Variants in FOXJ2 observed in about 807,000 individuals in gnomAD.
FOXJ2 encodes forkhead box J2.
FOXJ2 carries 18 observed loss-of-function variants against 68.4 expected under a neutral mutation model. The ratio of observed to expected loss-of-function variants is 0.26; its 90% CI spans 0.18 to 0.39. The LOEUF (loss-of-function observed/expected upper bound fraction) is 0.39, where lower values mean the gene tolerates loss of function less well. Among genes scored for constraint, FOXJ2 ranks in the 10% least tolerant of loss-of-function variants. The pLI is 1.00. For missense variants in FOXJ2, 670 were observed against 726.5 expected, an observed-to-expected ratio of 0.92 and a Z score of 0.89; for synonymous variants, 274 against 263.2, an observed-to-expected ratio of 1.04 and a Z score of -0.40.
chr12:8,047,852 G>C, intron 6 of FOXJ2, 30 bp from the exon 7 acceptor site: 2 of 1,548,028 alleles, frequency 1.3e-6, no homozygotes, highest in Non-Finnish European at 1.7e-6. Context: ...CATTGCTTAA[G>C]TCACTTGCCT....
chr12:8,050,848 TTCCCCTTCCC>T (rs1428844935), intron 10 of FOXJ2, among the ~76,000 whole-genome samples: 3 of 48,442 alleles, frequency 6.2e-5, no homozygotes, highest in Non-Finnish European at 1.1e-4. Context: ...TTCCTTTCCC[TTCCCCTTCCC>T]TTCCCTTCCC....
chr12:8,049,788 T>C (rs1191646018), intron 9 of FOXJ2: 1 of 463,254 alleles, frequency 2.2e-6, no homozygotes, highest in East Asian at 3.3e-5. Context: ...TTTTTAGACC[T>C]CAGTTTGGGA....
At position 8,048,829 on chromosome 12, in the gene FOXJ2, G is replaced by A. The variant is rs763642525; in HGVS notation, c.1327+31G>A. Reference sequence around the variant, plus strand: ...TGATCAAAGGACGAAGGAAGAGAGGGATACACTGTAAGGGAAAACCCAGTA... The same window carrying A: ...TGATCAAAGGACGAAGGAAGAGAGGAATACACTGTAAGGGAAAACCCAGTA... On this transcript the variant is annotated intron_variant, in intron 8 of 10. Transcript: ENST00000162391. The A allele has an allele frequency of 2.5e-6, 4 of 1,586,358 alleles. No individual in the cohort carries two copies. The Admixed American group carries it at 6.7e-5, about 26-fold the overall frequency.
In FOXJ2 at chr12:8,040,233, G is replaced by A; in HGVS notation, c.333+68G>A. 6.8e-7 allele frequency: 1 copy of A among 1,479,110 alleles called. No individual in the cohort carries two copies. The allele number at this position is 1,479,110 out of a possible 1,614,324, so 91.6% of individuals were successfully genotyped here. On this transcript the variant is annotated intron_variant, in intron 2 of 10. Transcript: ENST00000162391. The surrounding 1 kb of genome is among the most constrained non-coding windows in gnomAD (Gnocchi z 4.0). ...CAGCCTTTTTAGAGAAAAAGGTTTT[G>A]TTTCTTCTTGTAACCTGTTCAGTTT...
At chr12:8,046,962 A>G (rs1947045633) in intron 6 of FOXJ2, among the ~76,000 whole-genome samples, 1 of 152,198 alleles carries the variant, frequency 6.6e-6, no homozygotes. Context: ...ACTGTCAGAA[A>G]TAAAGTAAAA....
intron 5 of FOXJ2, 103 bp from the exon 6 acceptor site, chr12:8,044,657 G>A: frequency 8.5e-7 from 1 of 1,173,520 alleles, no homozygotes; most frequent in African/African-American, 1.5e-5. Flanking sequence ...GAAGAGCTAG[G>A]CGAGGATGAA....
At chr12:8,034,393 A>G (rs1232651574) in intron 1 of FOXJ2, among the ~76,000 whole-genome samples, 1 of 152,208 alleles carries the variant, frequency 6.6e-6, no homozygotes, top group Admixed American at 6.5e-5. Context: ...AGATACCAAG[A>G]GGCCTCCTCT....
rs2121310697 is a variant in FOXJ2 at position 8,033,091 on chromosome 12, G to A, written c.-757G>A. On this transcript the variant is annotated 5_prime_UTR_variant, in exon 1 of 11. Coordinates refer to ENST00000162391, the MANE Select transcript of FOXJ2 (RefSeq NM_018416.3). ...GTGAGGGAAAGAAGAGACCCCTGGA[G>A]GGGACGCCTCTCTCCTGCCTAGAGG... 2.6e-6 allele frequency: 1 copy of A among 385,926 alleles called. No individual in the cohort carries two copies. Among genetic ancestry groups the A allele is most frequent in the East Asian group, 3.7e-5 (1 of 27,184 alleles). The allele number at this position is 385,926 out of a possible 1,614,324, so 23.9% of individuals were successfully genotyped here.
rs376535944 is a variant in FOXJ2 at position 8,040,003 on chromosome 12, C to T, written c.171C>T (p.Asp57=). Residue 57 remains aspartate (D), a synonymous_variant, in exon 2 of 11, where the codon GAC becomes GAT. Coordinates refer to ENST00000162391, the MANE Select transcript of FOXJ2 (RefSeq NM_018416.3). This position sits in a 1 kb window ranked among gnomAD's most constrained non-coding sequence, Gnocchi z 4.0. ...ATCCTAATGCCACCCTGAGCAAAGA[C>T]GAGGCAGCAGTGCACCAGGACGGCA... ...PTDPNATLSK[D]EAAVHQDGKP... 3.6e-5 allele frequency: 58 copies of T among 1,614,006 alleles called. No homozygotes were observed. Among genetic ancestry groups the T allele is most frequent in the Admixed American group, 8.3e-5 (5 of 59,990 alleles).
In FOXJ2 at chr12:8,032,739, A is replaced by AGCCCGC. The variant is rs1355224150; in HGVS notation, c.-1105_-1100dup. On this transcript the variant is annotated 5_prime_UTR_variant, in exon 1 of 11. Coordinates refer to ENST00000162391, the MANE Select transcript of FOXJ2 (RefSeq NM_018416.3). The surrounding 1 kb of genome is among the most constrained non-coding windows in gnomAD (Gnocchi z 4.8). ...CTGCAGCGGAGCCGAGCCGAGCCCGAGCCCGCGCCGAGCCCTGACACTGTC... is the reference window on the plus strand; with the variant it reads ...CTGCAGCGGAGCCGAGCCGAGCCCGAGCCCGCGCCCGCGCCGAGCCCTGACACTGTC... 1.3e-5 allele frequency: 5 copies of AGCCCGC among 395,652 alleles called. No individual in the cohort carries two copies. Among genetic ancestry groups the AGCCCGC allele is most frequent in the East Asian group, 7.2e-5 (2 of 27,900 alleles). 24.5% of individuals were successfully genotyped at this position (395,652 alleles called of 1,614,324 possible).
rs1370875218 is a variant in FOXJ2, at chr12:8,039,947, A to G, written c.115A>G (p.Ser39Gly). The change falls in exon 2 of 11, where the codon AGC becomes GGC. Residue 39 changes from serine to glycine, a missense_variant. By Grantham distance (56) the Ser-to-Gly change is moderately conservative. Transcript: ENST00000162391. ...SASQAGPPGS[S>G]RKCSPGSPTD... ...CTCCCAGGCTGGGCCTCCCGGGAGCAGCCGCAAGTGTTCACCAGGGTCACC... is the reference window on the plus strand; with the variant it reads ...CTCCCAGGCTGGGCCTCCCGGGAGCGGCCGCAAGTGTTCACCAGGGTCACC... 1.2e-6 allele frequency: 2 copies of G among 1,614,034 alleles called. No individual in the cohort carries two copies. Among genetic ancestry groups the G allele is most frequent in the Admixed American group, 1.7e-5 (1 of 60,004 alleles).
In FOXJ2 at chr12:8,044,939, C is replaced by G; in HGVS notation, c.798C>G (p.Ser266=). The G allele has an allele frequency of 6.2e-7, 1 of 1,614,232 alleles. No homozygotes were observed. Among genetic ancestry groups the G allele is most frequent in the South Asian group, 1.1e-5 (1 of 91,090 alleles). The part of the protein sequence containing the change: ...RNLYKSMLEK[S]SSSSQHGFSS... Reference sequence around the variant, plus strand: ...TCTATAAGTCCATGCTGGAGAAGTCCTCTTCCTCCTCTCAGCACGGTGAGT... The same window carrying G: ...TCTATAAGTCCATGCTGGAGAAGTCGTCTTCCTCCTCTCAGCACGGTGAGT... The change falls in exon 6 of 11, where the codon TCC becomes TCG. Residue 266 remains serine (S), a synonymous_variant. Coordinates refer to ENST00000162391, the MANE Select transcript of FOXJ2 (RefSeq NM_018416.3).
At chr12:8,045,129 C>T (rs747875251) in intron 6 of FOXJ2, among the ~76,000 whole-genome samples, 171 bp downstream of exon 6, 2 of 152,140 alleles carry the variant, frequency 1.3e-5, no homozygotes, top group African/African-American at 4.8e-5. Context: ...CTGCAACCTC[C>T]GCCTCACGGG....
At chr12:8,047,292 A>G (rs1947050226) in intron 6 of FOXJ2, among the ~76,000 whole-genome samples, 1 of 152,126 alleles carries the variant, frequency 6.6e-6, no homozygotes, top group African/African-American at 2.4e-5. Context: ...TCTACTAAAA[A>G]TACAAAATTA....
At position 8,033,015 on chromosome 12, in the gene FOXJ2, G is replaced by C. The variant is rs1946855494; in HGVS notation, c.-833G>C. The C allele has an allele frequency of 2.5e-6, 1 of 396,658 alleles. No individual in the cohort carries two copies. The highest frequency in any genetic ancestry group is 2.1e-5 in the African/African-American group (1 of 48,512). 24.6% of individuals were successfully genotyped at this position (396,658 alleles called of 1,614,324 possible). A position where few individuals can be genotyped will look rare whatever the true frequency, so the allele number is the denominator to read the frequency against. On this transcript the variant is annotated 5_prime_UTR_variant, in exon 1 of 11. Coordinates refer to ENST00000162391, the MANE Select transcript of FOXJ2 (RefSeq NM_018416.3). The stretch of plus-strand genomic sequence containing the variant: ...CCCCGGGAGCGGAGGCGGGAGCGGG[G>C]ACGCGAGCAACCTCTCCCCCTGTTG...
chr12:8,037,310 C>G (rs755880056), intron 1 of FOXJ2, among the ~76,000 whole-genome samples: 1 of 152,176 alleles, frequency 6.6e-6, no homozygotes, highest in African/African-American at 2.4e-5. Context: ...TCAGATGCTA[C>G]AAGCTGCTTG....
chr12:8,048,437 T>G, intron 7 of FOXJ2, 148 bp downstream of exon 7: 1 of 1,340,154 alleles, frequency 7.5e-7, no homozygotes, highest in Non-Finnish European at 9.9e-7. Context: ...ACAAAGTTAC[T>G]ACTTAGAGCT....
chr12:8,042,407 T>C (rs1465311828), intron 2 of FOXJ2, among the ~76,000 whole-genome samples: 2 of 152,226 alleles, frequency 1.3e-5, no homozygotes, highest in Non-Finnish European at 2.9e-5. Context: ...AATCAGTTTT[T>C]TCAGAAGCAT....
rs1947168679 is a variant in FOXJ2 at position 8,054,944 on chromosome 12, A to G, written c.*2094A>G. On this transcript the variant is annotated 3_prime_UTR_variant, in exon 11 of 11. Coordinates refer to ENST00000162391, the MANE Select transcript of FOXJ2 (RefSeq NM_018416.3). ...TTTGCAAGGGTAGGATCATACATGC[A>G]AATGCCCCTTGTTCATCTGTGTCTT... The G allele has an allele frequency of 6.6e-6, 1 of 152,208 alleles. No homozygotes were observed. The highest frequency in any genetic ancestry group is 1.5e-5 in the Non-Finnish European group (1 of 68,038). The allele number at this position is 152,208 out of a possible 1,614,324, so 9.4% of individuals were successfully genotyped here.
Sources: allele counts gnomAD v4.1 joint callset (sites outside exome capture counted in the v4.1 genomes callset), GRCh38; gene constraint gnomAD v4.1.1; non-coding constraint Gnocchi (gnomAD v3.1); transcripts MANE v1.5; gene names NCBI Gene and HGNC (gene_info 2026-07-23, HGNC 2026-07-21).